ADGRG3: variants seen among roughly 807,000 people sequenced by gnomAD.
ADGRG3 encodes the protein G protein-coupled receptor 97.
A neutral mutation model predicts 54.3 loss-of-function variants in ADGRG3; 39 were observed. The ratio of observed to expected loss-of-function variants is 0.72; its 90% CI spans 0.56 to 0.94. ADGRG3 has a LOEUF of 0.94. Ranked by LOEUF, ADGRG3 falls within the 40% of genes least tolerant of loss-of-function variation. ADGRG3 has a pLI of 0.00. For missense variants in ADGRG3, 654 were observed against 694.6 expected (o/e 0.94, Z 0.66); for synonymous variants, 312 against 290.0 (o/e 1.08, Z -0.77).
rs143915201 is a variant in ADGRG3, at chr16:57,673,320, G to C, written c.59-1G>C. ...TCACACTCTCTGCATTCCTTCCTTA[G>C]GTCAGGAAAAGCCCACCGAAGGGCC... is the stretch of plus-strand genomic sequence containing the variant. On this transcript the variant is annotated splice_acceptor_variant, in intron 1 of 11. Coordinates refer to ENST00000333493, the MANE Select transcript of ADGRG3 (RefSeq NM_170776.5). LOFTEE classifies it high-confidence loss of function. 133 of 1,611,982 alleles carry C rather than the reference G, an allele frequency of 8.3e-5. No individual in the cohort carries two copies. In the African/African-American group the frequency reaches 1.7e-3, roughly 21 times the overall value.
Position 57,682,568 on chromosome 16 carries a change from G to T in ADGRG3, c.882-1364G>T, listed in dbSNP as rs2048393961. ...CGCATTGCTGGACCCTGTGAGCGGG[G>T]CTTGGAGCGCCAGGAGAAATTACCA... On this transcript the variant is annotated intron_variant, in intron 8 of 11. Coordinates refer to ENST00000333493, the MANE Select transcript of ADGRG3 (RefSeq NM_170776.5). The T allele has an allele frequency of 3.0e-6, 3 of 985,356 alleles. No homozygotes were observed. The African/African-American group carries it at 5.2e-5, about 17-fold the overall frequency. The allele number at this position is 985,356 out of a possible 1,614,324, so 61.0% of individuals were successfully genotyped here.
Position 57,668,785 on chromosome 16 carries a change from C to T in ADGRG3, c.58+380C>T, listed in dbSNP as rs538131784. Among the ~76,000 whole-genome samples the T allele has an allele frequency of 1.1e-4, 16 of 152,306 alleles. No individual in the cohort carries two copies. The South Asian group carries it at 2.1e-3, about 20-fold the overall frequency. ...CAGCTGGCTTGTGAGATCCTGGGGA[C>T]GGGATTCAGACACTCTGGAAGCTGA... is the stretch of plus-strand genomic sequence containing the variant. On this transcript the variant is annotated intron_variant, in intron 1 of 11. Coordinates refer to ENST00000333493, the MANE Select transcript of ADGRG3 (RefSeq NM_170776.5).
At chr16:57,687,771 G>A (rs551535245) in intron 11 of ADGRG3, among the ~76,000 whole-genome samples, 13 of 152,170 alleles carry the variant, frequency 8.5e-5, no homozygotes, top group Non-Finnish European at 1.9e-4. Context: ...TTCTTTCAGA[G>A]GTTACCTTAA....
chr16:57,683,036 G>T (rs575519381), intron 8 of ADGRG3, among the ~76,000 whole-genome samples: 22 of 152,238 alleles, frequency 1.4e-4, no homozygotes, highest in African/African-American at 4.6e-4. Context: ...GGCATTCAGA[G>T]ATGGCCTCCC....
At chr16:57,672,007 T>A (rs1241797116) in intron 1 of ADGRG3, among the ~76,000 whole-genome samples, 3 of 151,498 alleles carry the variant, frequency 2.0e-5, no homozygotes, top group East Asian at 1.9e-4. Flanking sequence ...AAAATAAAAA[T>A]AAACAACATA....
At chr16:57,672,063 CCAG>C (rs765710959) in intron 1 of ADGRG3, among the ~76,000 whole-genome samples, 36 of 151,930 alleles carry the variant, frequency 2.4e-4, no homozygotes, top group Non-Finnish European at 4.6e-4. Context: ...GCCTGTAGTC[CCAG>C]CTACTTGGGA....
upstream of ADGRG3, among the ~76,000 whole-genome samples, chr16:57,666,797 G>A (rs1174844235): frequency 6.6e-6 from 1 of 152,174 alleles, no homozygotes; most frequent in African/African-American, 2.4e-5. Flanking sequence ...TCCCAGGTGG[G>A]CTGGCTGCTC....
chr16:57,667,466 A>G (rs1372290077), upstream of ADGRG3, among the ~76,000 whole-genome samples: 2 of 152,254 alleles, frequency 1.3e-5, no homozygotes, highest in African/African-American at 4.8e-5. Flanking sequence ...CCACCTGATC[A>G]GTGACCATTT....
rs1252303631 is a variant in ADGRG3, at chr16:57,684,169, C to T, written c.1119C>T (p.Thr373=). Residue 373 remains threonine (T), a synonymous_variant, in exon 9 of 12, where the codon ACC becomes ACT. Coordinates refer to ENST00000333493, the MANE Select transcript of ADGRG3 (RefSeq NM_170776.5). ...LYLLAVRVFN[T]YFGHYFLKLS... is the part of the protein sequence containing the mutation. The stretch of plus-strand genomic sequence containing the variant: ...TGCTCGCTGTCAGGGTCTTCAACAC[C>T]TACTTCGGGCACTACTTCCTGAAGC... 37 of 1,613,788 alleles carry T rather than the reference C, an allele frequency of 2.3e-5. No homozygotes were observed. The highest frequency in any genetic ancestry group is 2.9e-5 in the Non-Finnish European group (34 of 1,179,914).
chr16:57,682,690 G>C, intron 8 of ADGRG3: 1 of 950,360 alleles, frequency 1.1e-6, no homozygotes. Flanking sequence ...TCGGCTGAGA[G>C]CCCTTTTGGA....
intron 1 of ADGRG3, among the ~76,000 whole-genome samples, chr16:57,668,745 G>A (rs768287993): frequency 2.0e-5 from 3 of 152,188 alleles, no homozygotes; most frequent in Non-Finnish European, 2.9e-5. Flanking sequence ...GGTTGGCCCC[G>A]GGCAGGCAAT....
At chr16:57,666,539 G>A (rs1357345027), upstream of ADGRG3, among the ~76,000 whole-genome samples, 1 of 152,230 alleles carries the variant, frequency 6.6e-6, no homozygotes, top group Non-Finnish European at 1.5e-5. Flanking sequence ...GCTGAATGCT[G>A]GCTGGGTCTC....
At chr16:57,678,364 G>A (rs2048301214) in intron 4 of ADGRG3, 48 bp downstream of exon 4, 8 of 1,586,598 alleles carry the variant, frequency 5.0e-6, no homozygotes, top group Non-Finnish European at 6.1e-6. Flanking sequence ...TCCTCTGGGG[G>A]CTCCATGCCA....
At position 57,676,133 on chromosome 16, in the gene ADGRG3, G is replaced by A. The variant is rs60403299; in HGVS notation, c.207-67G>A. On this transcript the variant is annotated intron_variant, in intron 2 of 11. Transcript: ENST00000333493. ...AGTTTGGGTCAGCCCTCTCACCCCA[G>A]GAGCCTGATGAGTGAGTAACTCAGC... 5.5e-3 allele frequency: 8,092 copies of A among 1,481,174 alleles called. 278 individuals carry two copies. In the African/African-American group the frequency reaches 0.089, roughly 16 times the overall value. The allele number at this position is 1,481,174 out of a possible 1,614,324, so 91.8% of individuals were successfully genotyped here. A position where few individuals can be genotyped will look rare whatever the true frequency, so the allele number is the denominator to read the frequency against.
At position 57,680,272 on chromosome 16, in the gene ADGRG3, T is replaced by G. The variant is rs1376850629; in HGVS notation, c.675T>G (p.Thr225=). The part of the protein sequence containing the change: ...CVFWDVTKGT[T]GDWSSEGCST... ...CCCTGGCCTCCTCTCCAGGGACCAC[T>G]GGAGACTGGTCTTCTGAGGGCTGCT... Residue 225 remains threonine, a synonymous_variant, in exon 7 of 12, where the codon ACT becomes ACG. Coordinates refer to ENST00000333493, the MANE Select transcript of ADGRG3 (RefSeq NM_170776.5). 1 of 1,472,470 alleles carries G rather than the reference T, an allele frequency of 6.8e-7. No homozygotes were observed. The highest frequency in any genetic ancestry group is 9.2e-7 in the Non-Finnish European group (1 of 1,092,894). The allele number at this position is 1,472,470 out of a possible 1,614,324, so 91.2% of individuals were successfully genotyped here. A position where few individuals can be genotyped will look rare whatever the true frequency, so the allele number is the denominator to read the frequency against.
At chr16:57,678,384 G>C (rs2048301616) in intron 4 of ADGRG3, 68 bp downstream of exon 4, 1 of 1,515,934 alleles carries the variant, frequency 6.6e-7, no homozygotes, top group Non-Finnish European at 9.2e-7. Context: ...ACAGTTTGCT[G>C]TCACTGGAGC....
At chr16:57,665,747 C>T (rs1265517469), upstream of ADGRG3, among the ~76,000 whole-genome samples, 1 of 152,202 alleles carries the variant, frequency 6.6e-6, no homozygotes, top group Non-Finnish European at 1.5e-5. Flanking sequence ...GCCCACAGTC[C>T]ACTCTCTCCC....
rs1349332212 is a variant in ADGRG3, at chr16:57,677,921, G to A, written c.346-249G>A. Among the ~76,000 whole-genome samples the A allele has an allele frequency of 2.0e-5, 3 of 152,178 alleles. No homozygotes were observed. The East Asian group carries it at 5.8e-4, about 29-fold the overall frequency. Reference sequence around the variant, plus strand: ...GCCCAGGCATCAGGTGCCCAGACAGGCACAAGCTTAGCTCTACTCTCTGTA... The same window carrying A: ...GCCCAGGCATCAGGTGCCCAGACAGACACAAGCTTAGCTCTACTCTCTGTA... On this transcript the variant is annotated intron_variant, in intron 3 of 11. Coordinates refer to ENST00000333493, the MANE Select transcript of ADGRG3 (RefSeq NM_170776.5).
chr16:57,669,554 C>G (rs2048115656), intron 1 of ADGRG3, among the ~76,000 whole-genome samples: 1 of 152,166 alleles, frequency 6.6e-6, no homozygotes, highest in Admixed American at 6.5e-5. Context: ...TGCTGTTTCC[C>G]CCATGGTGAT....
Sources: gnomAD v4.1 joint callset for allele counts (sites outside exome capture counted in the v4.1 genomes callset) on GRCh38, gnomAD v4.1.1 for gene constraint, MANE v1.5 for transcripts, NCBI Gene and HGNC (gene_info 2026-07-23, HGNC 2026-07-21) for gene names.